Variants in HERC4 observed in about 807,000 individuals in gnomAD.
HERC4 encodes the protein HECT and RLD domain containing E3 ubiquitin protein ligase 4, also known as probable E3 ubiquitin-protein ligase HERC4.
In HERC4, 28 loss-of-function variants were observed where a neutral mutation model predicts 124.3. That is an observed-to-expected ratio of 0.23 (90% CI 0.17 to 0.31). The LOEUF (loss-of-function observed/expected upper bound fraction) is 0.31, where lower values mean the gene tolerates loss of function less well. Ranked by LOEUF, HERC4 falls within the 10% of genes least tolerant of loss-of-function variation. The pLI, the probability that HERC4 is intolerant of heterozygous loss-of-function variation, is 1.00. For synonymous variants in HERC4, 407 were observed against 421.5 expected (o/e 0.97, Z 0.42); for missense variants, 713 against 1,229.3 (o/e 0.58, Z 6.28).
chr10:68,062,082 C>T (rs2041055106), intron 3 of HERC4, among the ~76,000 whole-genome samples: 1 of 151,982 alleles, frequency 6.6e-6, no homozygotes, highest in African/African-American at 2.4e-5. Flanking sequence ...TGGGAGAAGT[C>T]TACAGTTGGA....
intron 5 of HERC4, among the ~76,000 whole-genome samples, chr10:68,037,557 A>C (rs975440049): frequency 1.3e-5 from 2 of 152,204 alleles, no homozygotes; most frequent in Admixed American, 1.3e-4. Flanking sequence ...TATGCATAGA[A>C]AGTTCATCTA....
intron 15 of HERC4, among the ~76,000 whole-genome samples, chr10:67,983,378 C>G (rs186545754): frequency 2.0e-5 from 3 of 152,180 alleles, no homozygotes; most frequent in Admixed American, 2.0e-4. Flanking sequence ...AGGAGCTACC[C>G]AAAAGAAACG....
chr10:68,019,744 G>A (rs1438226094), intron 8 of HERC4, among the ~76,000 whole-genome samples: 1 of 152,204 alleles, frequency 6.6e-6, no homozygotes, highest in Non-Finnish European at 1.5e-5. Flanking sequence ...GTGTAATGCA[G>A]CCATGAACAG....
chr10:68,040,043 C>T (rs2133443108), intron 4 of HERC4: 1 of 724,562 alleles, frequency 1.4e-6, no homozygotes, highest in East Asian at 1.3e-4. Flanking sequence ...TGTTTTATAC[C>T]CATGATAATG....
intron 23 of HERC4, among the ~76,000 whole-genome samples, chr10:67,929,269 T>C (rs755754932): frequency 3.9e-5 from 6 of 152,190 alleles, no homozygotes; most frequent in Non-Finnish European, 8.8e-5. Context: ...TAAGCACATG[T>C]GCAGATCTGT....
chr10:67,952,973 G>A (rs1407564149), intron 19 of HERC4, among the ~76,000 whole-genome samples: 2 of 151,630 alleles, frequency 1.3e-5, no homozygotes, highest in Non-Finnish European at 2.9e-5. Context: ...CCTTCACTCA[G>A]TTTTCTCCAG....
At chr10:68,038,352 C>CA (rs35054670) in intron 4 of HERC4, 183 bp from the exon 5 acceptor site, 8,282 of 307,926 alleles carry the variant, frequency 0.027, 1 homozygote, top group Non-Finnish European at 0.036. Context: ...GAGCTAGATA[C>CA]AAAAAAAAAA....
intron 15 of HERC4, among the ~76,000 whole-genome samples, chr10:67,973,374 T>C (rs2035369352): frequency 6.6e-6 from 1 of 152,176 alleles, no homozygotes; most frequent in African/African-American, 2.4e-5. Flanking sequence ...CAACCGTCTC[T>C]AGGTTAGCCA....
intron 21 of HERC4, among the ~76,000 whole-genome samples, chr10:67,938,045 A>G (rs73261381): frequency 0.014 from 2,157 of 152,240 alleles, 38 homozygotes; most frequent in African/African-American, 0.048. Flanking sequence ...GGCAAATTTT[A>G]TGACAGCAGA....
intron 16 of HERC4, chr10:67,965,457 T>C (rs190713031): frequency 8.5e-5 from 13 of 152,282 alleles, no homozygotes; most frequent in African/African-American, 1.2e-4. Flanking sequence ...CCTAAATCTA[T>C]AGAATGGCTA....
chr10:67,965,634 T>C (rs2034817597), intron 16 of HERC4: 1 of 152,180 alleles, frequency 6.6e-6, no homozygotes, highest in Non-Finnish European at 1.5e-5. Context: ...ATTCAAAAAC[T>C]ACTGTACTTT....
intron 19 of HERC4, among the ~76,000 whole-genome samples, chr10:67,951,457 A>G (rs2033785360): frequency 6.6e-6 from 1 of 152,212 alleles, no homozygotes; most frequent in Non-Finnish European, 1.5e-5. Context: ...GATGCCCTCA[A>G]GTCTGACACA....
intron 8 of HERC4, among the ~76,000 whole-genome samples, chr10:68,020,957 T>C (rs755595150): frequency 1.3e-5 from 2 of 151,966 alleles, no homozygotes; most frequent in Non-Finnish European, 2.9e-5. Flanking sequence ...AGGGGAACCA[T>C]AGGATACCAT....
At position 68,016,908 on chromosome 10, in the gene HERC4, A is replaced by G. The variant is rs1347652735; in HGVS notation, c.909-2722T>C. Among the ~76,000 whole-genome samples, 3 of 152,314 alleles carry G rather than the reference A, an allele frequency of 2.0e-5. No homozygotes were observed. In the East Asian group the frequency reaches 5.8e-4, roughly 29 times the overall value. ...TACATTTTGGCTACTAAGAATTACA[A>G]AACTGGATAACATTAAATCATTTGT... On this transcript the variant is annotated intron_variant, in intron 8 of 24. Transcript: ENST00000373700.
intron 23 of HERC4, among the ~76,000 whole-genome samples, chr10:67,929,467 C>T (rs1181088012): frequency 1.3e-5 from 2 of 152,138 alleles, no homozygotes; most frequent in Non-Finnish European, 2.9e-5. Context: ...TTGAAACTGG[C>T]TTCTTTCACT....
chr10:67,961,831 A>G (rs1225790186), intron 16 of HERC4, among the ~76,000 whole-genome samples: 1 of 152,196 alleles, frequency 6.6e-6, no homozygotes, highest in Non-Finnish European at 1.5e-5. Flanking sequence ...TGCAAACCCT[A>G]TTCAGAGGAA....
rs563313552 is a variant in HERC4 at position 67,934,672 on chromosome 10, T to C, written c.2654+1481A>G. ...AAACACACACATTTGATAATTTGGATACAGAATTCTAAGTTAAAAGTAATT... is the reference window on the plus strand; with the variant it reads ...AAACACACACATTTGATAATTTGGACACAGAATTCTAAGTTAAAAGTAATT... On this transcript the variant is annotated intron_variant, in intron 22 of 24. Coordinates refer to ENST00000373700, the MANE Select transcript of HERC4 (RefSeq NM_015601.4). 2.7e-3 allele frequency among the ~76,000 whole-genome samples: 417 copies of C among 152,318 alleles called. 1 individual carries two copies. Among genetic ancestry groups the C allele is most frequent in the African/African-American group, 9.7e-3 (403 of 41,570 alleles).
rs373093538 is a variant in HERC4, at chr10:67,987,300, C to T, written c.1806+1363G>A. ...CGCTTCTCTGCCCCTTCCATTTTCT[C>T]GAGGTAAAAGACACAGCTAAGAAAA... On this transcript the variant is annotated intron_variant, in intron 15 of 24. Coordinates refer to ENST00000373700, the MANE Select transcript of HERC4 (RefSeq NM_015601.4). 1.3e-4 allele frequency among the ~76,000 whole-genome samples: 19 copies of T among 151,906 alleles called. No individual in the cohort carries two copies. The East Asian group carries it at 2.3e-3, about 19-fold the overall frequency.
chr10:68,026,577 C>T (rs184120040), intron 7 of HERC4, among the ~76,000 whole-genome samples: 70 of 152,172 alleles, frequency 4.6e-4, no homozygotes, highest in African/African-American at 1.7e-3. Context: ...GATGTGGTGG[C>T]TCACGCCTGT....
Sources: gnomAD v4.1 joint callset for allele counts (sites outside exome capture counted in the v4.1 genomes callset) on GRCh38, gnomAD v4.1.1 for gene constraint, MANE v1.5 for transcripts, NCBI Gene and HGNC (gene_info 2026-07-23, HGNC 2026-07-21) for gene names.